The following ARL6IP6 variants were observed in gnomAD, a reference collection of about 807,000 sequenced individuals.
The protein encoded by ARL6IP6 is ARF like GTPase 6 interacting protein 6.
Under a neutral mutation model 21.5 loss-of-function variants are expected in ARL6IP6, and 22 were observed. The observed-to-expected ratio is 1.02, with a 90% CI of 0.73 to 1.46. The LOEUF is 1.46. Among genes scored for constraint, ARL6IP6 ranks in the 40% most tolerant of loss-of-function variants. The pLI, the probability that ARL6IP6 is intolerant of heterozygous loss-of-function variation, is 0.00. For synonymous variants in ARL6IP6, 164 were observed against 125.3 expected (o/e 1.31, Z -2.06); for missense variants, 388 against 299.8 (o/e 1.29, Z -2.17).
chr2:152,719,909 C>G (rs930192855), intron 1 of ARL6IP6: 1 of 470,904 alleles, frequency 2.1e-6, no homozygotes, highest in Non-Finnish European at 4.4e-6. Flanking sequence ...GTTTAGTGGG[C>G]TACAGATGGC....
intron 2 of ARL6IP6, among the ~76,000 whole-genome samples, chr2:152,726,942 C>G (rs926043702): frequency 2.0e-5 from 3 of 152,030 alleles, no homozygotes; most frequent in Non-Finnish European, 4.4e-5. Context: ...ACGTGCAGTA[C>G]ATAACATAAT....
rs113883448 is a variant in ARL6IP6 at position 152,759,735 on chromosome 2, C to CT, written c.588-5dup. 8 of 1,606,414 alleles carry CT rather than the reference C, an allele frequency of 5.0e-6. No individual in the cohort carries two copies. Among genetic ancestry groups the CT allele is most frequent in the African/African-American group, 1.3e-5 (1 of 74,586 alleles). The stretch of plus-strand genomic sequence containing the variant: ...TTTTTCTTTTTTGATTTGTGTTTTT[C>CT]TTTTTTTCTAGGAAACTGACTGGAC... On this transcript the variant is annotated splice_polypyrimidine_tract_variant and intron_variant, in intron 3 of 3. Coordinates refer to ENST00000326446, the MANE Select transcript of ARL6IP6 (RefSeq NM_152522.7).
intron 3 of ARL6IP6, among the ~76,000 whole-genome samples, chr2:152,747,467 C>T (rs1380383237): frequency 6.6e-6 from 1 of 152,158 alleles, no homozygotes; most frequent in Non-Finnish European, 1.5e-5. Flanking sequence ...AGCTGAATGG[C>T]TCCTTTATGT....
At chr2:152,719,289 G>A (rs1293699507) in intron 1 of ARL6IP6, among the ~76,000 whole-genome samples, 1 of 152,170 alleles carries the variant, frequency 6.6e-6, no homozygotes, top group African/African-American at 2.4e-5. Flanking sequence ...TCAAGTCCTT[G>A]AACACTGGGG....
At chr2:152,747,593 T>C (rs796366272) in intron 3 of ARL6IP6, among the ~76,000 whole-genome samples, 3 of 152,116 alleles carry the variant, frequency 2.0e-5, no homozygotes, top group African/African-American at 7.2e-5. Context: ...TTTTTGTTGG[T>C]TTGAGATAGT....
chr2:152,743,744 A>G (rs2105155241), intron 3 of ARL6IP6, among the ~76,000 whole-genome samples: 1 of 152,292 alleles, frequency 6.6e-6, no homozygotes, highest in Admixed American at 6.5e-5. Flanking sequence ...ATATAAATGG[A>G]AATAAAGTAC....
intron 3 of ARL6IP6, among the ~76,000 whole-genome samples, chr2:152,752,573 G>T (rs1701389365): frequency 6.6e-6 from 1 of 152,310 alleles, no homozygotes; most frequent in East Asian, 1.9e-4. Context: ...GTGGAATTGG[G>T]CCCGAGCAAG....
chr2:152,755,917 C>T (rs1299602991), intron 3 of ARL6IP6, among the ~76,000 whole-genome samples: 2 of 152,118 alleles, frequency 1.3e-5, no homozygotes, highest in Non-Finnish European at 2.9e-5. Context: ...TTATTCAAAT[C>T]CTTTGCCCTT....
intron 1 of ARL6IP6, chr2:152,720,260 C>G: frequency 2.1e-6 from 1 of 469,516 alleles, no homozygotes; most frequent in Non-Finnish European, 3.9e-6. Flanking sequence ...GAACTGAACT[C>G]CACCTAGTAT....
chr2:152,718,224 C>T, upstream of ARL6IP6: 1 of 395,582 alleles, frequency 2.5e-6, no homozygotes, highest in Non-Finnish European at 3.5e-6. Flanking sequence ...AGGGCGCGAG[C>T]GGGCGCTAGG....
chr2:152,749,312 A>ACACAC, intron 3 of ARL6IP6, among the ~76,000 whole-genome samples: 1 of 62,090 alleles, frequency 1.6e-5, no homozygotes, highest in African/African-American at 5.6e-5. Flanking sequence ...CACACACACA[A>ACACAC]AAACACACAC....
At chr2:152,719,048 G>A in intron 1 of ARL6IP6, 24 bp downstream of exon 1, 1 of 1,511,078 alleles carries the variant, frequency 6.6e-7, no homozygotes, top group Non-Finnish European at 8.8e-7. Context: ...CGCCTTGAAA[G>A]TCTGTCCAGA....
intron 2 of ARL6IP6, among the ~76,000 whole-genome samples, chr2:152,724,104 A>G (rs1385057459): frequency 7.8e-6 from 1 of 128,224 alleles, no homozygotes; most frequent in Non-Finnish European, 1.6e-5. Context: ...AATGATGACT[A>G]AGGCCAAAAA....
intron 3 of ARL6IP6, among the ~76,000 whole-genome samples, chr2:152,738,809 G>C (rs1190476239): frequency 6.6e-6 from 1 of 152,048 alleles, no homozygotes; most frequent in Non-Finnish European, 1.5e-5. Context: ...TTAACATTTG[G>C]CTCCTCATTA....
At chr2:152,748,303 ATAAAGT>A (rs1475103742) in intron 3 of ARL6IP6, among the ~76,000 whole-genome samples, 1 of 152,242 alleles carries the variant, frequency 6.6e-6, no homozygotes. Flanking sequence ...AAAGGATATA[ATAAAGT>A]TAATGTAGTT....
At chr2:152,731,896 GTTCTGAACTTTCAGT>G (rs1700333415) in intron 2 of ARL6IP6, among the ~76,000 whole-genome samples, 1 of 151,996 alleles carries the variant, frequency 6.6e-6, no homozygotes, top group Admixed American at 6.6e-5. Context: ...GCATAGAGCT[GTTCTGAACTTTCAGT>G]TTTTCAGCTC....
At position 152,729,000 on chromosome 2, in the gene ARL6IP6, G is replaced by T. The variant is rs555765907; in HGVS notation, c.455-5994G>T. Among the ~76,000 whole-genome samples the T allele has an allele frequency of 3.3e-5, 5 of 149,932 alleles. No homozygotes were observed. The East Asian group carries it at 9.9e-4, about 30-fold the overall frequency. On this transcript the variant is annotated intron_variant, in intron 2 of 3. Transcript: ENST00000326446. ...TTGAACCTGGGAGGCGGAGGTTGCA[G>T]TGAGCCGAGATTGCGCCACTGCACT...
At chr2:152,734,066 A>C (rs1700445579) in intron 2 of ARL6IP6, among the ~76,000 whole-genome samples, 1 of 152,108 alleles carries the variant, frequency 6.6e-6, no homozygotes, top group South Asian at 2.1e-4. Flanking sequence ...CTATAACCAC[A>C]AGAAGAAGTC....
chr2:152,740,193 C>A (rs1430742369), intron 3 of ARL6IP6, among the ~76,000 whole-genome samples: 2 of 152,180 alleles, frequency 1.3e-5, no homozygotes, highest in African/African-American at 2.4e-5. Context: ...ACCTCCACCT[C>A]CCAGGCTCAA....
Sources: gnomAD v4.1 joint callset for allele counts (sites outside exome capture counted in the v4.1 genomes callset) on GRCh38, gnomAD v4.1.1 for gene constraint, MANE v1.5 for transcripts, NCBI Gene and HGNC (gene_info 2026-07-23, HGNC 2026-07-21) for gene names.